The following CACNA1G variants were observed in gnomAD, a reference collection of about 807,000 sequenced individuals.
The protein encoded by CACNA1G is calcium voltage-gated channel subunit alpha1 G.
Under a neutral mutation model 219.4 loss-of-function variants are expected in CACNA1G, and 67 were observed. The observed-to-expected ratio is 0.31, with a 90% confidence interval of 0.25 to 0.37. CACNA1G has a LOEUF of 0.37. Ranked by LOEUF, CACNA1G falls within the 10% of genes least tolerant of loss-of-function variation. The probability of loss-of-function intolerance (pLI) is 1.00; values close to 1 mark genes in which losing one functional copy is unlikely to be tolerated. For missense variants in CACNA1G, 2,380 were observed against 3,231.4 expected (o/e 0.74, Z 6.39); for synonymous variants, 1,296 against 1,345.3 (o/e 0.96, Z 0.80).
At chr17:50,579,201 C>T (rs951709564) in intron 9 of CACNA1G, among the ~76,000 whole-genome samples, 1 of 152,030 alleles carries the variant, frequency 6.6e-6, no homozygotes, top group Non-Finnish European at 1.5e-5. Flanking sequence ...TTCTAAGAAC[C>T]GGGATGTTTA....
At position 50,615,488 on chromosome 17, in the gene CACNA1G, C is replaced by T. The variant is rs376488213; in HGVS notation, c.4887C>T (p.Ala1629=). Reference sequence around the variant, plus strand: ...TCGGGCTGAACGTGGTCACCATGGCCATGGAGCACTACCAGCAGCCCCAGG... The same window carrying T: ...TCGGGCTGAACGTGGTCACCATGGCTATGGAGCACTACCAGCAGCCCCAGG... ...GVIGLNVVTM[A]MEHYQQPQIL... Residue 1629 remains alanine, a synonymous_variant, in exon 27 of 38, where the codon GCC becomes GCT. Coordinates refer to ENST00000359106, the MANE Select transcript of CACNA1G (RefSeq NM_018896.5). The T allele has an allele frequency of 1.2e-6, 2 of 1,613,548 alleles. No individual in the cohort carries two copies.
chr17:50,610,044 G>A, intron 26 of CACNA1G, 109 bp downstream of exon 26: 1 of 1,086,082 alleles, frequency 9.2e-7, no homozygotes, highest in Non-Finnish European at 1.4e-6. Context: ...GGTCCCTGGG[G>A]CCCCCAAGAG....
chr17:50,592,148 G>A (rs2044461812), intron 13 of CACNA1G, 56 bp downstream of exon 13: 1 of 1,542,214 alleles, frequency 6.5e-7, no homozygotes, highest in Non-Finnish European at 8.8e-7. Flanking sequence ...CTTCCAATTG[G>A]CTGCCTGTCT....
Position 50,596,484 on chromosome 17 carries a change from G to A in CACNA1G, c.2980-78G>A. ...TGGCCTATATGTGGTGTGCGTGTGT[G>A]AAGAGAGGGAGGCCCGGTCCATCCC... On this transcript the variant is annotated intron_variant, in intron 14 of 37. Coordinates refer to ENST00000359106, the MANE Select transcript of CACNA1G (RefSeq NM_018896.5). The surrounding 1 kb of genome is among the most constrained non-coding windows in gnomAD (Gnocchi z 4.8). The A allele has an allele frequency of 1.7e-6, 2 of 1,146,984 alleles. No homozygotes were observed. Among genetic ancestry groups the A allele is most frequent in the South Asian group, 2.5e-5 (2 of 79,652 alleles). The allele number at this position is 1,146,984 out of a possible 1,614,324, so 71.1% of individuals were successfully genotyped here.
At position 50,596,550 on chromosome 17, in the gene CACNA1G, C is replaced by A; in HGVS notation, c.2980-12C>A. 6.2e-7 allele frequency: 1 copy of A among 1,613,020 alleles called. No individual in the cohort carries two copies. Among genetic ancestry groups the A allele is most frequent in the Non-Finnish European group, 8.5e-7 (1 of 1,179,094 alleles). ...GCCGGATCCCTAATGGTCCGCTGCT[C>A]CCCTGCCCTAGGGAGATGCCAACAA... is the stretch of plus-strand genomic sequence containing the variant. On this transcript the variant is annotated splice_polypyrimidine_tract_variant and intron_variant, in intron 14 of 37. Coordinates refer to ENST00000359106, the MANE Select transcript of CACNA1G (RefSeq NM_018896.5). This position sits in a 1 kb window ranked among gnomAD's most constrained non-coding sequence, Gnocchi z 4.8.
At chr17:50,619,459 T>A (rs1159408121) in intron 33 of CACNA1G, among the ~76,000 whole-genome samples, 2 of 151,760 alleles carry the variant, frequency 1.3e-5, no homozygotes, top group Non-Finnish European at 2.9e-5. Flanking sequence ...CCATCTCCCA[T>A]CTCTCCTTCC....
At chr17:50,570,557 C>CTCTGTGTGTGTGTGTGTGTG (rs6146086) in intron 4 of CACNA1G, among the ~76,000 whole-genome samples, 85 of 132,690 alleles carry the variant, frequency 6.4e-4, no homozygotes, top group Middle Eastern at 3.7e-3. Context: ...CCCCTGCGCT[C>CTCTGTGTGTGTGTGTGTGTG]TGTGTGTGTG....
rs1357719928 is a variant in CACNA1G at position 50,604,284 on chromosome 17, G to T, written c.4296+3G>T. On this transcript the variant is annotated splice_donor_region_variant and intron_variant, in intron 22 of 37. Transcript: ENST00000359106. ...TTTTCGGCATCTTGGGGGTGCAGGT[G>T]TGTGGGGTTCTGGGGGCCAGCTGTG... is the stretch of plus-strand genomic sequence containing the variant. 6.2e-7 allele frequency: 1 copy of T among 1,613,408 alleles called. No individual in the cohort carries two copies. Among genetic ancestry groups the T allele is most frequent in the East Asian group, 2.2e-5 (1 of 44,882 alleles).
chr17:50,602,319 T>C (rs995003973), intron 19 of CACNA1G, among the ~76,000 whole-genome samples: 2 of 152,246 alleles, frequency 1.3e-5, no homozygotes, highest in African/African-American at 2.4e-5. Context: ...GGGAACTAGA[T>C]GGCCTTCCTC....
chr17:50,609,074 C>T (rs139590377), intron 25 of CACNA1G, among the ~76,000 whole-genome samples: 95 of 152,268 alleles, frequency 6.2e-4, no homozygotes, highest in Middle Eastern at 6.8e-3. Context: ...AAGATGGGTG[C>T]GGTGGCCTGA....
At chr17:50,614,095 G>A (rs1175254209) in intron 26 of CACNA1G, among the ~76,000 whole-genome samples, 1 of 152,224 alleles carries the variant, frequency 6.6e-6, no homozygotes, top group East Asian at 1.9e-4. Flanking sequence ...AGCCCACGAG[G>A]CTGGATGTGC....
At chr17:50,614,388 C>T (rs2049965200) in intron 26 of CACNA1G, among the ~76,000 whole-genome samples, 2 of 152,172 alleles carry the variant, frequency 1.3e-5, no homozygotes, top group Non-Finnish European at 2.9e-5. Context: ...TGAAAAGCCT[C>T]TTCCTTCTCT....
At position 50,618,036 on chromosome 17, in the gene CACNA1G, C is replaced by T. The variant is rs146266177; in HGVS notation, c.5227-12C>T. On this transcript the variant is annotated splice_polypyrimidine_tract_variant and intron_variant, in intron 30 of 37. Transcript: ENST00000359106. This position sits in a 1 kb window ranked among gnomAD's most constrained non-coding sequence, Gnocchi z 5.3. Reference sequence around the variant, plus strand: ...CAGCGGCATCGTTTCTATTTCTTCTCCTTTTTTCCAGGTGGGGAACCTGGG... The same window carrying T: ...CAGCGGCATCGTTTCTATTTCTTCTTCTTTTTTCCAGGTGGGGAACCTGGG... The T allele has an allele frequency of 3.8e-4, 607 of 1,613,830 alleles. 8 individuals carry two copies. In the East Asian group the frequency reaches 0.013, roughly 34 times the overall value.
intron 9 of CACNA1G, among the ~76,000 whole-genome samples, chr17:50,584,874 A>G (rs1351929610): frequency 1.3e-5 from 2 of 152,090 alleles, no homozygotes; most frequent in Non-Finnish European, 2.9e-5. Context: ...GACTGTGAAT[A>G]AAGGCATGAA....
intron 24 of CACNA1G, chr17:50,607,485 C>G (rs748328975): frequency 1.3e-4 from 39 of 294,708 alleles, no homozygotes; most frequent in Non-Finnish European, 2.0e-4. Context: ...AGAACAAGAC[C>G]CTGTCTCTAA....
At chr17:50,594,940 G>A (rs1004207448) in intron 13 of CACNA1G, 53 bp from the exon 14 acceptor site, 13 of 1,377,940 alleles carry the variant, frequency 9.4e-6, no homozygotes, top group Admixed American at 2.0e-5. Context: ...ATATCTGAAG[G>A]CCCCGAGCGC....
In CACNA1G at chr17:50,619,783, C is replaced by T. The variant is rs761857277; in HGVS notation, c.5882C>T (p.Ser1961Phe). 2 of 1,607,098 alleles carry T rather than the reference C, an allele frequency of 1.2e-6. No homozygotes were observed. Among genetic ancestry groups the T allele is most frequent in the African/African-American group, 2.7e-5 (2 of 74,848 alleles). Residue 1961 changes from serine (S) to phenylalanine (F), a missense_variant, in exon 34 of 38, where the codon TCT becomes TTT. Physicochemically the swap from Ser to Phe is radical, Grantham distance 155. Coordinates refer to ENST00000359106, the MANE Select transcript of CACNA1G (RefSeq NM_018896.5). ...CTGGCAGGCCCAGGGGGCCAGCCCTCTGCCTTCCCTTCTGCCCCCAGCCTG... is the reference window on the plus strand; with the variant it reads ...CTGGCAGGCCCAGGGGGCCAGCCCTTTGCCTTCCCTTCTGCCCCCAGCCTG... ...DELAGPGGQPSAFPSAPSLGG... is the reference protein window; with the variant it reads ...DELAGPGGQPFAFPSAPSLGG...
At position 50,622,923 on chromosome 17, in the gene CACNA1G, C is replaced by T. The variant is rs914565557; in HGVS notation, c.6061-984C>T. 3.9e-5 allele frequency among the ~76,000 whole-genome samples: 6 copies of T among 152,150 alleles called. No homozygotes were observed. The East Asian group carries it at 1.2e-3, about 29-fold the overall frequency. On this transcript the variant is annotated intron_variant, in intron 35 of 37. Transcript: ENST00000359106. ...GGTGGTCATCTGCCATTCAACTCAC[C>T]TGAACCCAACCCAGGCCCTGTGCTG...
Position 50,618,125 on chromosome 17 carries a change from G to C in CACNA1G, c.5304G>C (p.Leu1768=). ...TGGGCGTGGAGCTCTTTGGAGACCT[G>C]GGTGAGTTGGGGTAGGGGAGGGTGG... The part of the protein sequence containing the change: ...AALGVELFGD[L]ECDETHPCEG... Residue 1768 remains leucine, a splice_region_variant and synonymous_variant, in exon 31 of 38, where the codon CTG becomes CTC. Transcript: ENST00000359106. This position sits in a 1 kb window ranked among gnomAD's most constrained non-coding sequence, Gnocchi z 5.3. The C allele has an allele frequency of 6.2e-7, 1 of 1,613,862 alleles. No individual in the cohort carries two copies. The highest frequency in any genetic ancestry group is 8.5e-7 in the Non-Finnish European group (1 of 1,179,840).
Sources: gnomAD v4.1 joint callset for allele counts (sites outside exome capture counted in the v4.1 genomes callset) on GRCh38, gnomAD v4.1.1 for gene constraint, Gnocchi (gnomAD v3.1) non-coding constraint, MANE v1.5 for transcripts, NCBI Gene and HGNC (gene_info 2026-07-23, HGNC 2026-07-21) for gene names.